ACACB: variants seen among roughly 807,000 people sequenced by gnomAD.
ACACB encodes acetyl-CoA carboxylase beta.
In ACACB, 209 loss-of-function variants were observed where a neutral mutation model predicts 278.8. The observed-to-expected ratio is 0.75, with a 90% CI of 0.67 to 0.84. The LOEUF (loss-of-function observed/expected upper bound fraction) is 0.84, where lower values mean the gene tolerates loss of function less well. Ranked by LOEUF, ACACB falls within the 40% of genes least tolerant of loss-of-function variation. The probability of loss-of-function intolerance (pLI) is 0.00; values close to 1 mark genes in which losing one functional copy is unlikely to be tolerated. For synonymous variants in ACACB, 1,174 were observed against 1,285.6 expected (o/e 0.91, Z 1.86); for missense variants, 2,850 against 3,269.0 (o/e 0.87, Z 3.13).
chr12:109,216,800 C>G lies in ACACB; in HGVS notation c.3444C>G (p.His1148Gln), dbSNP rs1344122684. 3 of 1,613,994 alleles carry G rather than the reference C, an allele frequency of 1.9e-6. No individual in the cohort carries two copies. The highest frequency in any genetic ancestry group is 2.7e-5 in the African/African-American group (2 of 74,908). Residue 1148 changes from histidine to glutamine, a missense_variant, in exon 24 of 53, where the codon CAC becomes CAG. His to Gln is a conservative substitution (Grantham distance 24). Transcript: ENST00000338432. ...LRVEHHFQQAHYDKCVINLRE... is the reference protein window; with the variant it reads ...LRVEHHFQQAQYDKCVINLRE... Reference sequence around the variant, plus strand: ...GTGGTGTTTTGTCTCCCCCAGCCCACTACGACAAGTGTGTGATAAACCTCA... The same window carrying G: ...GTGGTGTTTTGTCTCCCCCAGCCCAGTACGACAAGTGTGTGATAAACCTCA...
Position 109,185,066 on chromosome 12 carries a change from C to T in ACACB, c.1819-513C>T, listed in dbSNP as rs191749398. Among the ~76,000 whole-genome samples the T allele has an allele frequency of 3.0e-4, 45 of 152,224 alleles. No homozygotes were observed. The East Asian group carries it at 6.0e-3, about 20-fold the overall frequency. On this transcript the variant is annotated intron_variant, in intron 11 of 52. Transcript: ENST00000338432. ...TTTCTCTGATTGTTTCTTCCTGGTT[C>T]GATTCCTGCTACACATTTTGGCAGA...
At chr12:109,133,114 TTA>T (rs2042872310) in intron 1 of ACACB, among the ~76,000 whole-genome samples, 1 of 152,214 alleles carries the variant, frequency 6.6e-6, no homozygotes, top group Non-Finnish European at 1.5e-5. Context: ...CCTGAAGAAC[TTA>T]TATCATGTAA....
intron 18 of ACACB, among the ~76,000 whole-genome samples, chr12:109,199,948 C>T (rs969697894): frequency 2.7e-5 from 4 of 149,550 alleles, no homozygotes; most frequent in African/African-American, 7.4e-5. Context: ...AGGAGGATGG[C>T]GTGAACCCAG....
intron 11 of ACACB, 110 bp from the exon 12 acceptor site, chr12:109,185,469 A>G (rs2044619922): frequency 2.5e-6 from 3 of 1,177,068 alleles, no homozygotes; most frequent in Non-Finnish European, 3.7e-6. Flanking sequence ...TAGTGTCTGT[A>G]TATCCTAAAT....
Position 109,191,706 on chromosome 12 carries a change from C to G in ACACB, c.2238C>G (p.Phe746Leu). The change falls in exon 14 of 53, where the codon TTC (phenylalanine) becomes TTG (leucine). Residue 746 changes from phenylalanine (F) to leucine (L), a missense_variant. Around this residue, in one of 3 missense-constraint regions of ACACB, gnomAD observed 2,265 missense variants for 2,561.3 expected, o/e 0.88. Transcript: ENST00000338432. Reference sequence around the variant, plus strand: ...TTAACCTCCTGGAGACCGAGAGCTTCCAGAACAACGACATCGACACCGGGT... The same window carrying G: ...TTAACCTCCTGGAGACCGAGAGCTTGCAGAACAACGACATCGACACCGGGT... ...YLINLLETESFQNNDIDTGWL... is the reference protein window; with the variant it reads ...YLINLLETESLQNNDIDTGWL... 1 of 1,614,194 alleles carries G rather than the reference C, an allele frequency of 6.2e-7. No individual in the cohort carries two copies. The highest frequency in any genetic ancestry group is 2.2e-5 in the East Asian group (1 of 44,884).
Position 109,203,224 on chromosome 12 carries a change from G to T in ACACB, c.2913+1523G>T, listed in dbSNP as rs547229348. ...TTTTAAGGCTGCATAATATTCCCTT[G>T]TAGGGGTGAATCACATTTTGTTTAT... is the stretch of plus-strand genomic sequence containing the variant. On this transcript the variant is annotated intron_variant, in intron 19 of 52. Transcript: ENST00000338432. Among the ~76,000 whole-genome samples the T allele has an allele frequency of 1.4e-4, 22 of 152,314 alleles. No individual in the cohort carries two copies. The South Asian group carries it at 4.4e-3, about 30-fold the overall frequency.
intron 1 of ACACB, among the ~76,000 whole-genome samples, chr12:109,122,108 G>A (rs963958694): frequency 6.6e-6 from 1 of 152,190 alleles, no homozygotes; most frequent in African/African-American, 2.4e-5. Context: ...GGGTCAGTGT[G>A]GCAGAGGCCG....
At chr12:109,254,813 C>T (rs1273917830) in intron 44 of ACACB, among the ~76,000 whole-genome samples, 4 of 151,214 alleles carry the variant, frequency 2.6e-5, no homozygotes, top group East Asian at 3.9e-4. Flanking sequence ...GTTGCTCTGT[C>T]GCCCAGGCTG....
chr12:109,179,295 C>G lies in ACACB; in HGVS notation c.1645C>G (p.Gln549Glu). The change falls in exon 10 of 53, where the codon CAG becomes GAG. Residue 549 changes from glutamine (Q) to glutamate (E), a missense_variant and splice_region_variant. By Grantham distance (29) the Gln-to-Glu change is conservative. Coordinates refer to ENST00000338432, the MANE Select transcript of ACACB (RefSeq NM_001093.4). ...APLAIFEFME[Q>E]CAIRLAKTVG... ...GCTGGCCATATTCGAGTTCATGGAG[C>G]AGGTACACTTCTCAGAGCCCAGGGG... is the stretch of plus-strand genomic sequence containing the variant. 1.2e-6 allele frequency: 2 copies of G among 1,612,850 alleles called. No homozygotes were observed. Among genetic ancestry groups the G allele is most frequent in the Non-Finnish European group, 1.7e-6 (2 of 1,179,716 alleles).
chr12:109,132,913 G>A (rs1217804027), intron 1 of ACACB, among the ~76,000 whole-genome samples: 1 of 152,138 alleles, frequency 6.6e-6, no homozygotes, highest in South Asian at 2.1e-4. Context: ...CACTGCATTC[G>A]TCAGAGCCTC....
In ACACB at chr12:109,199,553, G is replaced by T. The variant is rs1340618336; in HGVS notation, c.2778+1G>T. 1 of 1,464,712 alleles carries T rather than the reference G, an allele frequency of 6.8e-7. No individual in the cohort carries two copies. The highest frequency in any genetic ancestry group is 9.1e-7 in the Non-Finnish European group (1 of 1,101,512). 90.7% of individuals were successfully genotyped at this position (1,464,712 alleles called of 1,614,324 possible). A position where few individuals can be genotyped will look rare whatever the true frequency, so the allele number is the denominator to read the frequency against. On this transcript the variant is annotated splice_donor_variant, in intron 18 of 52. Coordinates refer to ENST00000338432, the MANE Select transcript of ACACB (RefSeq NM_001093.4). LOFTEE classifies it high-confidence loss of function. ...TGGGAGCAGCTACGCTGAGATGGAG[G>T]TGACTGCAGAGCCGGCCGTGGGGAA...
chr12:109,257,598 T>G (rs1383674622), intron 45 of ACACB, among the ~76,000 whole-genome samples: 2 of 152,122 alleles, frequency 1.3e-5, no homozygotes, highest in East Asian at 3.9e-4. Context: ...TGAGACAAGG[T>G]CTTGCTCTGT....
chr12:109,245,448 G>C (rs973615617), intron 37 of ACACB, among the ~76,000 whole-genome samples, 178 bp from the exon 38 acceptor site: 1 of 152,130 alleles, frequency 6.6e-6, no homozygotes, highest in Admixed American at 6.5e-5. Flanking sequence ...ATCAAGATTT[G>C]ACAGAGCCAC....
At chr12:109,163,505 TAGA>T (rs1465914781) in intron 2 of ACACB, among the ~76,000 whole-genome samples, 2 of 151,556 alleles carry the variant, frequency 1.3e-5, no homozygotes, top group Non-Finnish European at 2.9e-5. Flanking sequence ...AACCAGCAAG[TAGA>T]AGAAGAGAGA....
upstream of ACACB, among the ~76,000 whole-genome samples, chr12:109,114,300 ATGTTCTTT>A (rs572226437): frequency 2.2e-4 from 33 of 152,294 alleles, no homozygotes; most frequent in South Asian, 6.0e-3. Flanking sequence ...TGTATATAGC[ATGTTCTTT>A]TGTCTCTCTT....
chr12:109,117,861 C>G (rs918812821), intron 1 of ACACB, among the ~76,000 whole-genome samples: 2 of 152,212 alleles, frequency 1.3e-5, no homozygotes, highest in Non-Finnish European at 2.9e-5. Flanking sequence ...ATTCTCCTGC[C>G]TCAGCCTCCC....
intron 50 of ACACB, among the ~76,000 whole-genome samples, chr12:109,264,696 G>A (rs2047468757): frequency 6.6e-6 from 1 of 152,016 alleles, no homozygotes. Context: ...CTGGACCAGG[G>A]GTAGAAACCG....
intron 2 of ACACB, among the ~76,000 whole-genome samples, chr12:109,165,084 A>T (rs1039190049): frequency 6.6e-6 from 1 of 152,160 alleles, no homozygotes; most frequent in Non-Finnish European, 1.5e-5. Flanking sequence ...GCGCCTTGCC[A>T]TTCTACCATC....
At chr12:109,258,117 AT>A in intron 45 of ACACB, 150 bp from the exon 46 acceptor site, 1 of 618,828 alleles carries the variant, frequency 1.6e-6, no homozygotes, top group Non-Finnish European at 2.8e-6. Context: ...GGCTCTTACC[AT>A]TTGGGGGCTT....
Sources: allele counts gnomAD v4.1 joint callset (sites outside exome capture counted in the v4.1 genomes callset), GRCh38; gene constraint gnomAD v4.1.1; regional missense constraint gnomAD v4.1.1; transcripts MANE v1.5; gene names NCBI Gene and HGNC (gene_info 2026-07-23, HGNC 2026-07-21).